The following CSMD1 variants were observed in gnomAD, a reference collection of about 807,000 sequenced individuals.
CSMD1 encodes CUB and sushi domain-containing protein 1.
Under a neutral mutation model 417.5 loss-of-function variants are expected in CSMD1, and 213 were observed. The ratio of observed to expected loss-of-function variants is 0.51; its 90% CI spans 0.46 to 0.57. The LOEUF (loss-of-function observed/expected upper bound fraction) is 0.57, where lower values mean the gene tolerates loss of function less well. Among genes scored for constraint, CSMD1 ranks in the 20% least tolerant of loss-of-function variants. CSMD1 has a pLI of 0.00. For missense variants in CSMD1, 6,923 were observed against 4,529.7 expected (o/e 1.53, Z -15.17); for synonymous variants, 2,862 against 1,736.8 (o/e 1.65, Z -16.11).
At chr8:4,646,812 C>T (rs1585386123) in intron 1 of CSMD1, among the ~76,000 whole-genome samples, 1 of 152,048 alleles carries the variant, frequency 6.6e-6, no homozygotes, top group Admixed American at 6.6e-5. Flanking sequence ...TCTAAGAGGA[C>T]AGACAGTAAA....
At chr8:3,531,509 G>A (rs962977157) in intron 10 of CSMD1, among the ~76,000 whole-genome samples, 2 of 152,136 alleles carry the variant, frequency 1.3e-5, no homozygotes. Flanking sequence ...CCCCAGGGTA[G>A]CATAAAGAAG....
chr8:4,039,445 A>C (rs774415141), intron 3 of CSMD1, among the ~76,000 whole-genome samples: 1 of 152,212 alleles, frequency 6.6e-6, no homozygotes, highest in African/African-American at 2.4e-5. Context: ...CGGATTTCCT[A>C]GTCTTGAAAC....
At chr8:3,384,725 T>TTA (rs1207634727) in intron 18 of CSMD1, among the ~76,000 whole-genome samples, 1 of 74,354 alleles carries the variant, frequency 1.3e-5, no homozygotes, top group South Asian at 3.2e-4. Flanking sequence ...TTTATAATAT[T>TTA]TATATATATT....
intron 2 of CSMD1, among the ~76,000 whole-genome samples, chr8:4,455,180 A>T (rs142118819): frequency 6.6e-6 from 1 of 151,172 alleles, no homozygotes; most frequent in East Asian, 1.9e-4. Flanking sequence ...AGAATTAAAG[A>T]TGCAACAAAA....
At chr8:3,265,401 G>C (rs1215972095) in intron 26 of CSMD1, among the ~76,000 whole-genome samples, 1 of 152,136 alleles carries the variant, frequency 6.6e-6, no homozygotes, top group Non-Finnish European at 1.5e-5. Flanking sequence ...TGTGAAGGGG[G>C]GAGTGTAAGA....
chr8:4,808,154 G>A (rs1174610968), intron 1 of CSMD1, among the ~76,000 whole-genome samples: 1 of 152,142 alleles, frequency 6.6e-6, no homozygotes, highest in African/African-American at 2.4e-5. Context: ...CACGATTCCG[G>A]CGGTGTGGAG....
At chr8:4,053,281 C>G (rs1182161300) in intron 3 of CSMD1, among the ~76,000 whole-genome samples, 1 of 152,208 alleles carries the variant, frequency 6.6e-6, no homozygotes, top group Non-Finnish European at 1.5e-5. Flanking sequence ...AGTATTTTAT[C>G]ACTGACAGTG....
chr8:3,529,994 C>T (rs979308865), intron 10 of CSMD1, among the ~76,000 whole-genome samples: 7 of 151,766 alleles, frequency 4.6e-5, no homozygotes, highest in African/African-American at 1.7e-4. Flanking sequence ...TTTTGTTTCC[C>T]CATGACAATT....
intron 5 of CSMD1, among the ~76,000 whole-genome samples, chr8:3,958,314 CTCTCTCT>C (rs1194090370): frequency 1.5e-3 from 76 of 49,314 alleles, no homozygotes; most frequent in African/African-American, 6.6e-3. Context: ...TTTTTTTAAA[CTCTCTCT>C]TTTTTTTTTT....
chr8:3,469,638 A>C (rs1816972429), intron 11 of CSMD1, among the ~76,000 whole-genome samples: 1 of 152,322 alleles, frequency 6.6e-6, no homozygotes, highest in Non-Finnish European at 1.5e-5. Context: ...AAATGTCCCT[A>C]ATCAAATAGG....
At chr8:4,292,836 C>A (rs1283756646) in intron 3 of CSMD1, among the ~76,000 whole-genome samples, 3 of 152,034 alleles carry the variant, frequency 2.0e-5, no homozygotes, top group African/African-American at 7.2e-5. Context: ...GTCAGGGTCC[C>A]TAAGAATAGA....
At chr8:4,132,721 T>C (rs2680625) in intron 3 of CSMD1, among the ~76,000 whole-genome samples, 146,921 of 152,264 alleles carry the variant, frequency 0.96, 71,108 homozygotes, top group East Asian at 1. Flanking sequence ...TCCGCTGTCA[T>C]GTGTGAATCA....
chr8:4,087,613 C>G (rs10097875), intron 3 of CSMD1, among the ~76,000 whole-genome samples: 5 of 152,212 alleles, frequency 3.3e-5, no homozygotes, highest in African/African-American at 1.2e-4. Context: ...CTCTCTCATT[C>G]CCAAATCTTT....
chr8:3,315,469 A>G (rs1287003076), intron 23 of CSMD1, among the ~76,000 whole-genome samples: 1 of 73,650 alleles, frequency 1.4e-5, no homozygotes, highest in East Asian at 3.2e-4. Flanking sequence ...TGTGATTTTT[A>G]AACTATCTTT....
intron 1 of CSMD1, among the ~76,000 whole-genome samples, chr8:4,760,809 G>C (rs995871110): frequency 2.6e-5 from 4 of 152,122 alleles, no homozygotes; most frequent in South Asian, 2.1e-4. Context: ...CACGCAAAAA[G>C]ATCTGCTGCA....
intron 1 of CSMD1, among the ~76,000 whole-genome samples, chr8:4,987,559 T>C (rs920784652): frequency 6.6e-6 from 1 of 152,054 alleles, no homozygotes; most frequent in Non-Finnish European, 1.5e-5. Flanking sequence ...CCAAAATATA[T>C]CACGCCAAAA....
At chr8:3,571,839 G>C (rs1041634264) in intron 10 of CSMD1, among the ~76,000 whole-genome samples, 2 of 152,098 alleles carry the variant, frequency 1.3e-5, no homozygotes, top group African/African-American at 4.8e-5. Context: ...TACTGTATTA[G>C]ATTCCAAACT....
chr8:3,084,813 T>G (rs967179639), intron 49 of CSMD1, among the ~76,000 whole-genome samples: 2 of 152,018 alleles, frequency 1.3e-5, no homozygotes, highest in African/African-American at 4.8e-5. Flanking sequence ...TTTAAAGGTT[T>G]AATTTTGTCT....
chr8:3,470,044 A>G lies in CSMD1; in HGVS notation c.1449-1220T>C, dbSNP rs887721617. Among the ~76,000 whole-genome samples, 5 of 151,684 alleles carry G rather than the reference A, an allele frequency of 3.3e-5. No individual in the cohort carries two copies. The East Asian group carries it at 7.8e-4, about 24-fold the overall frequency. ...AGATCGTGAATGTCTAACTCTATGA[A>G]TTTTTACAAAGTGAACCGCCACACA... On this transcript the variant is annotated intron_variant, in intron 11 of 69. Transcript: ENST00000635120.
Sources: allele counts gnomAD v4.1 joint callset (sites outside exome capture counted in the v4.1 genomes callset), GRCh38; gene constraint gnomAD v4.1.1; transcripts MANE v1.5; gene names NCBI Gene and HGNC (gene_info 2026-07-23, HGNC 2026-07-21).